The following PTPRM variants were observed in gnomAD, a reference collection of about 807,000 sequenced individuals.
The protein encoded by PTPRM is protein tyrosine phosphatase receptor type M, also known as receptor-type tyrosine-protein phosphatase mu.
In PTPRM, 47 loss-of-function variants were observed where a neutral mutation model predicts 186.7. That is an observed-to-expected ratio of 0.25 (90% CI 0.20 to 0.32). PTPRM has a LOEUF of 0.32. Among genes scored for constraint, PTPRM ranks in the 10% least tolerant of loss-of-function variants. The probability of loss-of-function intolerance (pLI) is 1.00; values close to 1 mark genes in which losing one functional copy is unlikely to be tolerated. For synonymous variants in PTPRM, 668 were observed against 674.9 expected (o/e 0.99, Z 0.16); for missense variants, 1,494 against 1,865.0 (o/e 0.80, Z 3.66).
At chr18:8,330,655 A>C (rs1465799391) in intron 22 of PTPRM, among the ~76,000 whole-genome samples, 1 of 139,476 alleles carries the variant, frequency 7.2e-6, no homozygotes, top group Admixed American at 7.2e-5. Flanking sequence ...GCTGCCGTTC[A>C]TTTTTTTTTT....
At chr18:7,791,967 C>A (rs2145216181) in intron 2 of PTPRM, among the ~76,000 whole-genome samples, 1 of 152,216 alleles carries the variant, frequency 6.6e-6, no homozygotes, top group South Asian at 2.1e-4. Flanking sequence ...ATAAAATATT[C>A]TCTTCCCTTA....
chr18:8,174,012 G>C (rs2093445084), intron 14 of PTPRM, among the ~76,000 whole-genome samples: 1 of 151,178 alleles, frequency 6.6e-6, no homozygotes, highest in African/African-American at 2.4e-5. Flanking sequence ...GTTGCAGTGA[G>C]CTGAGATCAC....
chr18:7,975,605 G>A (rs1046829216), intron 7 of PTPRM, among the ~76,000 whole-genome samples: 2 of 152,072 alleles, frequency 1.3e-5, no homozygotes, highest in South Asian at 2.1e-4. Context: ...AGATTATAAC[G>A]GAGCTGAAAA....
chr18:8,339,837 T>C (rs1260361825), intron 22 of PTPRM, among the ~76,000 whole-genome samples: 1 of 152,128 alleles, frequency 6.6e-6, no homozygotes, highest in East Asian at 1.9e-4. Context: ...GAGGGTATGT[T>C]CTGATTTTGC....
At chr18:8,316,922 T>TG (rs2036572032) in intron 21 of PTPRM, among the ~76,000 whole-genome samples, 1 of 152,000 alleles carries the variant, frequency 6.6e-6, no homozygotes, top group Non-Finnish European at 1.5e-5. Context: ...GCAAAGGCCT[T>TG]GTTGTGGAAT....
intron 2 of PTPRM, among the ~76,000 whole-genome samples, chr18:7,880,932 G>T (rs1362275097): frequency 6.6e-6 from 1 of 152,170 alleles, no homozygotes; most frequent in Admixed American, 6.5e-5. Context: ...GCATTTGTGG[G>T]CTCTGATGTC....
intron 7 of PTPRM, among the ~76,000 whole-genome samples, chr18:7,959,379 T>C (rs558821583): frequency 1.0e-3 from 154 of 152,324 alleles, no homozygotes; most frequent in African/African-American, 3.5e-3. Context: ...TAAATCTGTT[T>C]ATTTTGGCCA....
At chr18:7,579,599 T>A (rs1424677760) in intron 1 of PTPRM, among the ~76,000 whole-genome samples, 1 of 152,252 alleles carries the variant, frequency 6.6e-6, no homozygotes, top group East Asian at 1.9e-4. Context: ...TGCAACTTGG[T>A]GACCTCTAGT....
At chr18:7,874,556 A>T (rs2048137126) in intron 2 of PTPRM, among the ~76,000 whole-genome samples, 1 of 152,120 alleles carries the variant, frequency 6.6e-6, no homozygotes, top group Non-Finnish European at 1.5e-5. Context: ...AGGCAAAAAA[A>T]AAAGAGAGAG....
intron 14 of PTPRM, among the ~76,000 whole-genome samples, chr18:8,165,055 G>A (rs536263510): frequency 6.6e-6 from 1 of 151,762 alleles, no homozygotes; most frequent in African/African-American, 2.4e-5. Context: ...TGTAATCCCA[G>A]CTACTCGGGA....
chr18:7,661,783 A>G (rs2038986162), intron 1 of PTPRM, among the ~76,000 whole-genome samples: 1 of 152,192 alleles, frequency 6.6e-6, no homozygotes, highest in African/African-American at 2.4e-5. Flanking sequence ...CTGATTGGGT[A>G]AGTATTGAAT....
In PTPRM at chr18:8,233,686, T is replaced by C. The variant is rs150934899; in HGVS notation, c.2301-10372T>C. The stretch of plus-strand genomic sequence containing the variant: ...TATCTTATCATTTTTTTTCATGGAT[T>C]ATCCCTTTAATATTTTAACTGAAAA... On this transcript the variant is annotated intron_variant, in intron 14 of 32. Transcript: ENST00000580170. Among the ~76,000 whole-genome samples, 463 of 152,326 alleles carry C rather than the reference T, an allele frequency of 3.0e-3. 4 individuals are homozygous for C. Among genetic ancestry groups the C allele is most frequent in the African/African-American group, 0.011 (442 of 41,574 alleles).
chr18:7,681,670 A>G (rs1214220473), intron 1 of PTPRM, among the ~76,000 whole-genome samples: 1 of 152,126 alleles, frequency 6.6e-6, no homozygotes, highest in Non-Finnish European at 1.5e-5. Context: ...GCTGACTTCT[A>G]GATAGATAGC....
intron 22 of PTPRM, 46 bp from the exon 23 acceptor site, chr18:8,343,377 G>A: frequency 6.3e-7 from 1 of 1,575,686 alleles, no homozygotes; most frequent in Non-Finnish European, 8.7e-7. Context: ...TTTTCCAGTT[G>A]AAACTTACAA....
At chr18:8,350,679 C>G (rs1169454075) in intron 23 of PTPRM, among the ~76,000 whole-genome samples, 1 of 152,248 alleles carries the variant, frequency 6.6e-6, no homozygotes, top group African/African-American at 2.4e-5. Context: ...TGATTCCTGT[C>G]GAATCCAGAA....
intron 7 of PTPRM, among the ~76,000 whole-genome samples, chr18:8,064,710 T>C (rs2088919438): frequency 6.6e-6 from 1 of 152,182 alleles, no homozygotes; most frequent in African/African-American, 2.4e-5. Flanking sequence ...ACTGACAAGG[T>C]ACTTTTTAAA....
intron 6 of PTPRM, 148 bp from the exon 7 acceptor site, chr18:7,954,972 CT>C: frequency 1.3e-6 from 1 of 746,862 alleles, no homozygotes; most frequent in South Asian, 2.2e-5. Flanking sequence ...TTTCAACATA[CT>C]TTTTCTTGTT....
At chr18:7,590,159 GA>G (rs1227362285) in intron 1 of PTPRM, among the ~76,000 whole-genome samples, 2 of 152,214 alleles carry the variant, frequency 1.3e-5, no homozygotes, top group Non-Finnish European at 2.9e-5. Flanking sequence ...CACTACCGAA[GA>G]AAATGACGAA....
At chr18:8,384,466 A>AG in intron 29 of PTPRM, 95 bp from the exon 30 acceptor site, 1 of 1,414,376 alleles carries the variant, frequency 7.1e-7, no homozygotes, top group East Asian at 2.3e-5. Context: ...TCTTAAAAAA[A>AG]AAGGATTACT....
Sources: gnomAD v4.1 joint callset for allele counts (sites outside exome capture counted in the v4.1 genomes callset) on GRCh38, gnomAD v4.1.1 for gene constraint, MANE v1.5 for transcripts, NCBI Gene and HGNC (gene_info 2026-07-23, HGNC 2026-07-21) for gene names.